ITGAL: variants seen among roughly 807,000 people sequenced by gnomAD.
The protein encoded by ITGAL is integrin alpha-L.
ITGAL carries 68 observed loss-of-function variants against 138.4 expected under a neutral mutation model. The ratio of observed to expected loss-of-function variants is 0.49; its 90% CI spans 0.40 to 0.60. The LOEUF (loss-of-function observed/expected upper bound fraction) is 0.60. Among genes scored for constraint, ITGAL ranks in the 20% least tolerant of loss-of-function variants. The pLI, the probability that ITGAL is intolerant of heterozygous loss-of-function variation, is 0.00. For synonymous variants in ITGAL, 561 were observed against 584.3 expected, an observed-to-expected ratio of 0.96 and a Z score of 0.57; for missense variants, 1,256 against 1,478.6, an observed-to-expected ratio of 0.85 and a Z score of 2.47.
chr16:30,509,961 C>T (rs1166341292), intron 21 of ITGAL, among the ~76,000 whole-genome samples: 1 of 151,876 alleles, frequency 6.6e-6, no homozygotes, highest in African/African-American at 2.4e-5. Flanking sequence ...ATCGCTTGAG[C>T]CTGCGAGTCA....
At chr16:30,474,568 A>G in intron 2 of ITGAL, 1 of 456,408 alleles carries the variant, frequency 2.2e-6, no homozygotes, top group South Asian at 2.5e-5. Context: ...TAGGTTCCTG[A>G]CACTCCCTTA....
intron 24 of ITGAL, among the ~76,000 whole-genome samples, chr16:30,513,520 T>TG (rs1261823710): frequency 6.6e-6 from 1 of 152,136 alleles, no homozygotes; most frequent in Non-Finnish European, 1.5e-5. Flanking sequence ...TGGCGCGCAG[T>TG]GGGGAGGACA....
At chr16:30,507,610 AC>A (rs1489415780) in intron 21 of ITGAL, among the ~76,000 whole-genome samples, 4 of 151,852 alleles carry the variant, frequency 2.6e-5, no homozygotes, top group African/African-American at 9.7e-5. Flanking sequence ...AGATTGTGCC[AC>A]TGCACTCCAG....
chr16:30,511,703 C>T (rs961441241), intron 24 of ITGAL, among the ~76,000 whole-genome samples: 27 of 152,204 alleles, frequency 1.8e-4, no homozygotes, highest in Non-Finnish European at 3.1e-4. Flanking sequence ...AGGGAGCTTA[C>T]AGTCAAGTGG....
rs1193634387 is a variant in ITGAL at position 30,499,733 on chromosome 16, AT to A, written c.2145+257del. On this transcript the variant is annotated intron_variant, in intron 17 of 30. Coordinates refer to ENST00000356798, the MANE Select transcript of ITGAL (RefSeq NM_002209.3). ...TATATGTATATATATATATATATAT[AT>A]TTTTTTTTTTTTGACACAGAGTCTC... is the stretch of plus-strand genomic sequence containing the variant. 7.3e-3 allele frequency among the ~76,000 whole-genome samples: 649 copies of A among 88,348 alleles called. 8 individuals carry two copies. Among genetic ancestry groups the A allele is most frequent in the Admixed American group, 0.011 (69 of 6,412 alleles). The allele number at this position is 88,348 out of a possible 152,430, so 58.0% of individuals were successfully genotyped here.
At chr16:30,502,266 G>A (rs1175222881) in intron 17 of ITGAL, among the ~76,000 whole-genome samples, 1 of 151,382 alleles carries the variant, frequency 6.6e-6, no homozygotes, top group Non-Finnish European at 1.5e-5. Context: ...GCGTGGTGGT[G>A]GGGGCCTGTA....
chr16:30,489,470 A>G, intron 11 of ITGAL, 84 bp downstream of exon 11: 1 of 1,340,264 alleles, frequency 7.5e-7, no homozygotes, highest in Non-Finnish European at 1.1e-6. Flanking sequence ...CAATAATGAA[A>G]GCAGTTAAGC....
chr16:30,504,253 G>A lies in ITGAL; in HGVS notation c.2224G>A (p.Asp742Asn). 6.2e-7 allele frequency: 1 copy of A among 1,612,532 alleles called. No individual in the cohort carries two copies. Among genetic ancestry groups the A allele is most frequent in the Non-Finnish European group, 8.5e-7 (1 of 1,178,570 alleles). The part of the protein sequence containing the change: ...SLWEEEGTPR[D>N]QRAQGKDIPP... ...TTGGGAGGAGGAAGGGACACCGAGGGACCAAAGGGCGGTAAGAAGAGATGG... is the reference window on the plus strand; with the variant it reads ...TTGGGAGGAGGAAGGGACACCGAGGAACCAAAGGGCGGTAAGAAGAGATGG... The change falls in exon 18 of 31, where the codon GAC (aspartate) becomes AAC (asparagine). Residue 742 changes from aspartate to asparagine, a missense_variant. Coordinates refer to ENST00000356798, the MANE Select transcript of ITGAL (RefSeq NM_002209.3).
At chr16:30,505,611 C>T (rs1374461719) in intron 20 of ITGAL, 149 bp downstream of exon 20, 1 of 657,708 alleles carries the variant, frequency 1.5e-6, no homozygotes, top group Non-Finnish European at 2.7e-6. Flanking sequence ...AACTCAGGGG[C>T]TCATGCCTAT....
chr16:30,505,132 A>G (rs760360203), intron 18 of ITGAL, 112 bp from the exon 19 acceptor site: 17 of 1,098,144 alleles, frequency 1.5e-5, no homozygotes, highest in Non-Finnish European at 2.1e-5. Context: ...GGCAGGGCCA[A>G]CCACAGCCAG....
chr16:30,514,910 C>T (rs570620192), intron 25 of ITGAL, among the ~76,000 whole-genome samples: 5 of 151,580 alleles, frequency 3.3e-5, no homozygotes, highest in Non-Finnish European at 7.4e-5. Flanking sequence ...CTGCAACCTC[C>T]GCCTCCTGGA....
intron 9 of ITGAL, among the ~76,000 whole-genome samples, chr16:30,487,275 C>T (rs946792576): frequency 2.0e-5 from 3 of 151,922 alleles, no homozygotes; most frequent in East Asian, 1.9e-4. Context: ...TACGCCCGGC[C>T]GAGACAGAGT....
chr16:30,478,136 C>A (rs1208973798), intron 4 of ITGAL, among the ~76,000 whole-genome samples: 1 of 148,664 alleles, frequency 6.7e-6, no homozygotes, highest in African/African-American at 2.5e-5. Context: ...GAGTTTGAGA[C>A]CATCCTGGCC....
At chr16:30,508,576 T>C (rs543804129) in intron 21 of ITGAL, among the ~76,000 whole-genome samples, 10 of 152,292 alleles carry the variant, frequency 6.6e-5, no homozygotes, top group African/African-American at 1.9e-4. Context: ...GCACCTGCAA[T>C]TCCAGCTACC....
At chr16:30,510,061 T>A (rs1014953962) in intron 21 of ITGAL, among the ~76,000 whole-genome samples, 67 of 143,250 alleles carry the variant, frequency 4.7e-4, no homozygotes, top group Admixed American at 1.3e-3. Context: ...AAATTTTTTT[T>A]AATAGAGATG....
Position 30,474,918 on chromosome 16 carries a change from G to GCCTCTC in ITGAL, c.165-388_165-387insCCTCTC, listed in dbSNP as rs1352774772. ...TTGTCGCCCAGGCTGTAGTGCAACG[G>GCCTCTC]TTAGATCTCACCTCTCTGCAATCTG... On this transcript the variant is annotated intron_variant, in intron 2 of 30. Coordinates refer to ENST00000356798, the MANE Select transcript of ITGAL (RefSeq NM_002209.3). Among the ~76,000 whole-genome samples the GCCTCTC allele has an allele frequency of 1.0e-4, 15 of 149,562 alleles. No homozygotes were observed. The Admixed American group carries it at 1.0e-3, about 10-fold the overall frequency.
At chr16:30,506,418 G>T (rs527936520) in intron 20 of ITGAL, among the ~76,000 whole-genome samples, 168 of 150,742 alleles carry the variant, frequency 1.1e-3, no homozygotes, top group African/African-American at 4.0e-3. Context: ...AATTAGCCGG[G>T]CATGGTGGTG....
intron 24 of ITGAL, among the ~76,000 whole-genome samples, chr16:30,512,586 GAAA>G (rs771972585): frequency 5.2e-5 from 7 of 135,392 alleles, no homozygotes; most frequent in Admixed American, 1.5e-4. Context: ...GACCCTGTGT[GAAA>G]AAAAAAAAAA....
chr16:30,516,232 ATT>A (rs201896943), intron 25 of ITGAL, among the ~76,000 whole-genome samples: 2 of 143,966 alleles, frequency 1.4e-5, no homozygotes, highest in African/African-American at 2.5e-5. Context: ...GTGCTCAGAA[ATT>A]TTTTTTTTTT....
Sources: allele counts gnomAD v4.1 joint callset (sites outside exome capture counted in the v4.1 genomes callset), GRCh38; gene constraint gnomAD v4.1.1; transcripts MANE v1.5; gene names NCBI Gene and HGNC (gene_info 2026-07-23, HGNC 2026-07-21).